Variants in ZNF728 observed in about 807,000 individuals in gnomAD.
ZNF728 encodes the protein zinc finger protein 728.
A neutral mutation model predicts 12.5 loss-of-function variants in ZNF728; 12 were observed. The ratio of observed to expected loss-of-function variants is 0.96; its 90% CI spans 0.61 to 1.55. ZNF728 has a LOEUF of 1.55. Among genes scored for constraint, ZNF728 ranks in the 40% most tolerant of loss-of-function variants. ZNF728 has a pLI of 0.00. For missense variants in ZNF728, 692 were observed against 719.2 expected, an observed-to-expected ratio of 0.96 and a Z score of 0.43; for synonymous variants, 205 against 240.7, an observed-to-expected ratio of 0.85 and a Z score of 1.37.
chr19:22,980,953 C>A (rs1167853978), intron 3 of ZNF728, among the ~76,000 whole-genome samples: 1 of 151,376 alleles, frequency 6.6e-6, no homozygotes, highest in Non-Finnish European at 1.5e-5. Flanking sequence ...GCTAAAATCA[C>A]AATTAAAAGA....
intron 3 of ZNF728, among the ~76,000 whole-genome samples, chr19:22,986,841 T>G (rs1968922041): frequency 6.6e-6 from 1 of 151,986 alleles, no homozygotes; most frequent in South Asian, 2.1e-4. Context: ...CAAACTATAT[T>G]TCAAGACTAT....
rs1249035578 is a variant in ZNF728 at position 22,977,019 on chromosome 19, A to G, written c.318T>C (p.Cys106=). The G allele has an allele frequency of 6.2e-7, 1 of 1,613,422 alleles. No individual in the cohort carries two copies. The highest frequency in any genetic ancestry group is 8.5e-7 in the Non-Finnish European group (1 of 1,179,754). Residue 106 remains cysteine, a synonymous_variant, in exon 4 of 4, where the codon TGT becomes TGC. Transcript: ENST00000594710. ...QKVILRRYEK[C]GHENLQLKIG... is the part of the protein sequence containing the mutation. ...TTTTTAACTGTAAATTCTCATGTCC[A>G]CATTTTTCATATCTTCTCAATATCA... is the stretch of plus-strand genomic sequence containing the variant.
chr19:22,977,176 T>G, intron 3 of ZNF728, 66 bp from the exon 4 acceptor site: 1 of 1,385,660 alleles, frequency 7.2e-7, no homozygotes, highest in Non-Finnish European at 9.6e-7. Context: ...AAATTTAACC[T>G]ATAAAATTAT....
chr19:22,988,841 C>T (rs1184518745), intron 1 of ZNF728, among the ~76,000 whole-genome samples: 1 of 151,906 alleles, frequency 6.6e-6, no homozygotes, highest in African/African-American at 2.4e-5. Flanking sequence ...CACCTGAGGT[C>T]GGGAGTTTTA....
intron 1 of ZNF728, among the ~76,000 whole-genome samples, chr19:22,998,591 T>C (rs1969074691): frequency 6.6e-6 from 1 of 152,152 alleles, no homozygotes; most frequent in South Asian, 2.1e-4. Context: ...GGGACTCCCA[T>C]AACCTTTCTG....
At chr19:22,979,629 C>CCA (rs142323343) in intron 3 of ZNF728, among the ~76,000 whole-genome samples, 52,495 of 151,794 alleles carry the variant, frequency 0.35, 12,927 homozygotes, top group African/African-American at 0.71. Context: ...GTCGAGATAC[C>CCA]CAAATGGAAG....
chr19:22,993,143 G>T (rs289298), intron 1 of ZNF728, among the ~76,000 whole-genome samples: 46,581 of 152,078 alleles, frequency 0.31, 9,264 homozygotes, highest in African/African-American at 0.57. Context: ...TATTTACTCC[G>T]GGAGCCTCTC....
At chr19:22,996,155 A>T (rs78626543) in intron 1 of ZNF728, among the ~76,000 whole-genome samples, 10,778 of 152,256 alleles carry the variant, frequency 0.071, 524 homozygotes, top group Non-Finnish European at 0.099. Context: ...TAAGGTATGT[A>T]ATATTTTAAA....
chr19:22,987,216 T>C, intron 3 of ZNF728, 92 bp downstream of exon 3: 2 of 1,176,742 alleles, frequency 1.7e-6, no homozygotes, highest in Non-Finnish European at 2.3e-6. Context: ...ACTATTTCTT[T>C]TGGAACACAG....
intron 3 of ZNF728, among the ~76,000 whole-genome samples, chr19:22,978,256 A>G (rs1968826481): frequency 6.6e-6 from 1 of 151,956 alleles, no homozygotes; most frequent in African/African-American, 2.4e-5. Flanking sequence ...ATTGTCAACA[A>G]AAGATTTACA....
intron 3 of ZNF728, among the ~76,000 whole-genome samples, 178 bp downstream of exon 3, chr19:22,987,130 T>C (rs1240060122): frequency 6.6e-6 from 1 of 152,162 alleles, no homozygotes. Context: ...CTTAGAAATT[T>C]TAAAAGCATA....
Position 23,003,143 on chromosome 19 carries a change from G to T in ZNF728, c.-113C>A, listed in dbSNP as rs547726984. The T allele has an allele frequency of 2.3e-6, 3 of 1,281,198 alleles. No homozygotes were observed. Among genetic ancestry groups the T allele is most frequent in the South Asian group, 1.6e-5 (1 of 62,804 alleles). 79.4% of individuals were successfully genotyped at this position (1,281,198 alleles called of 1,614,324 possible). A position where few individuals can be genotyped will look rare whatever the true frequency, so the allele number is the denominator to read the frequency against. ...GCGGACGACACACAGCAGTAAGGAC[G>T]ACACCTTGACCTCCGCGTGCAGCGA... is the stretch of plus-strand genomic sequence containing the variant. On this transcript the variant is annotated 5_prime_UTR_variant, in exon 1 of 4. Transcript: ENST00000594710.
rs1424638820 is a variant in ZNF728, at chr19:22,988,466, C to T, written c.4-15G>A. 3.7e-6 allele frequency: 6 copies of T among 1,613,352 alleles called. No homozygotes were observed. The highest frequency in any genetic ancestry group is 3.3e-5 in the Admixed American group (2 of 59,848). On this transcript the variant is annotated splice_polypyrimidine_tract_variant and intron_variant, in intron 1 of 3. Coordinates refer to ENST00000594710, the MANE Select transcript of ZNF728 (RefSeq NM_001267716.2). ...GTCAACGATCCCTGGAAAACACACACAAACACACATATTTACCAAGTGGTC... is the reference window on the plus strand; with the variant it reads ...GTCAACGATCCCTGGAAAACACACATAAACACACATATTTACCAAGTGGTC...
chr19:22,975,987 T>C lies in ZNF728; in HGVS notation c.1350A>G (p.Lys450=), dbSNP rs779183973. Residue 450 remains lysine, a synonymous_variant, in exon 4 of 4, where the codon AAA becomes AAG. Coordinates refer to ENST00000594710, the MANE Select transcript of ZNF728 (RefSeq NM_001267716.2). ...TGCCACATTCTTCACATTTGTAGTG[T>C]TTCTCTCCAGTATGAATTACTTTAT... ...TKHKVIHTGE[K]HYKCEECGKV... 1.2e-5 allele frequency: 19 copies of C among 1,612,836 alleles called. No homozygotes were observed. Among genetic ancestry groups the C allele is most frequent in the South Asian group, 9.9e-5 (9 of 91,072 alleles).
At chr19:22,986,568 T>C (rs1352023620) in intron 3 of ZNF728, among the ~76,000 whole-genome samples, 1 of 152,186 alleles carries the variant, frequency 6.6e-6, no homozygotes, top group Non-Finnish European at 1.5e-5. Flanking sequence ...ACTTTTCAAG[T>C]GAAAGATTTA....
intron 3 of ZNF728, among the ~76,000 whole-genome samples, chr19:22,977,489 A>C (rs946679851): frequency 2.0e-5 from 3 of 152,124 alleles, no homozygotes; most frequent in African/African-American, 7.2e-5. Context: ...ATACAATTTA[A>C]TTTCTGTCTT....
intron 1 of ZNF728, among the ~76,000 whole-genome samples, chr19:22,989,051 CAAAAAAA>C (rs68080575): frequency 0.021 from 1,047 of 50,264 alleles, 18 homozygotes; most frequent in African/African-American, 0.063. Context: ...AACTCCATCT[CAAAAAAA>C]AAAAAAAAAA....
chr19:22,999,198 C>G (rs188280274), intron 1 of ZNF728, among the ~76,000 whole-genome samples: 2 of 152,254 alleles, frequency 1.3e-5, no homozygotes, highest in East Asian at 3.9e-4. Flanking sequence ...TCTACCTAAT[C>G]TTTGCAATCC....
intron 3 of ZNF728, among the ~76,000 whole-genome samples, chr19:22,979,452 T>C (rs554873474): frequency 3.8e-4 from 58 of 152,190 alleles, no homozygotes; most frequent in African/African-American, 1.4e-3. Flanking sequence ...CAGGATATCA[T>C]CCAGGAGAAC....
Sources: gnomAD v4.1 joint callset for allele counts (sites outside exome capture counted in the v4.1 genomes callset) on GRCh38, gnomAD v4.1.1 for gene constraint, MANE v1.5 for transcripts, NCBI Gene and HGNC (gene_info 2026-07-23, HGNC 2026-07-21) for gene names.